Variants in NPAS3 observed in about 807,000 individuals in gnomAD.
The protein encoded by NPAS3 is neuronal PAS domain-containing protein 3.
NPAS3 carries 14 observed loss-of-function variants against 73.1 expected under a neutral mutation model. The observed-to-expected ratio is 0.19, with a 90% CI of 0.13 to 0.30. The LOEUF (loss-of-function observed/expected upper bound fraction) is 0.30. NPAS3 is among the 10% of genes least tolerant of loss of function. NPAS3 has a pLI of 1.00. For synonymous variants in NPAS3, 620 were observed against 541.5 expected (o/e 1.14, Z -2.01); for missense variants, 1,096 against 1,250.0 (o/e 0.88, Z 1.86).
chr14:33,513,907 T>C (rs560759031), intron 4 of NPAS3, among the ~76,000 whole-genome samples: 1 of 152,122 alleles, frequency 6.6e-6, no homozygotes, highest in Non-Finnish European at 1.5e-5. Flanking sequence ...GTGAGGTGGT[T>C]AGAAGAAGTT....
chr14:33,178,969 C>G (rs778972953), intron 2 of NPAS3, among the ~76,000 whole-genome samples: 1 of 151,978 alleles, frequency 6.6e-6, no homozygotes, highest in Non-Finnish European at 1.5e-5. Flanking sequence ...TGTCTTTTTT[C>G]GTGTTGTAGA....
At chr14:33,662,184 A>T (rs2059327365) in intron 5 of NPAS3, among the ~76,000 whole-genome samples, 1 of 152,252 alleles carries the variant, frequency 6.6e-6, no homozygotes, top group South Asian at 2.1e-4. Flanking sequence ...TCTAGACGGC[A>T]TGGAAATGCG....
chr14:33,540,569 T>C (rs2054465469), intron 4 of NPAS3, among the ~76,000 whole-genome samples: 1 of 152,220 alleles, frequency 6.6e-6, no homozygotes, highest in Non-Finnish European at 1.5e-5. Context: ...CATACTTTTG[T>C]TGATGAGCAA....
At chr14:33,563,255 A>G (rs569741908) in intron 5 of NPAS3, among the ~76,000 whole-genome samples, 1 of 152,226 alleles carries the variant, frequency 6.6e-6, no homozygotes, top group South Asian at 2.1e-4. Flanking sequence ...GGATAGAATT[A>G]GGATTCTTTT....
chr14:33,341,004 T>A (rs1459046038), intron 3 of NPAS3, among the ~76,000 whole-genome samples: 1 of 152,222 alleles, frequency 6.6e-6, no homozygotes, highest in African/African-American at 2.4e-5. Flanking sequence ...ATTTCTTGGT[T>A]GCTTTGATCT....
rs556190015 is a variant in NPAS3, at chr14:33,156,209, TAGC to T, written c.141-58970_141-58968del. ...CTCAAATGAATACTCCTTTATTTCA[TAGC>T]AGGGATTGGCATTTGTGCAATATTC... On this transcript the variant is annotated intron_variant, in intron 2 of 11. Coordinates refer to ENST00000356141, the Ensembl canonical transcript of NPAS3. 1.9e-3 allele frequency among the ~76,000 whole-genome samples: 283 copies of T among 152,344 alleles called. 1 individual carries two copies. Among genetic ancestry groups the T allele is most frequent in the Non-Finnish European group, 3.2e-3 (219 of 68,026 alleles).
intron 3 of NPAS3, among the ~76,000 whole-genome samples, chr14:33,260,528 C>G (rs1455188592): frequency 6.6e-6 from 1 of 152,178 alleles, no homozygotes; most frequent in East Asian, 1.9e-4. Context: ...ATTGCCTCTT[C>G]AGTTTTCTGC....
chr14:32,967,852 T>G (rs191691155), intron 1 of NPAS3, among the ~76,000 whole-genome samples: 1 of 152,018 alleles, frequency 6.6e-6, no homozygotes, highest in Admixed American at 6.5e-5. Flanking sequence ...CAAAAGTAAA[T>G]GAAATTAATA....
At chr14:33,411,423 T>G (rs1183504791) in intron 4 of NPAS3, among the ~76,000 whole-genome samples, 1 of 152,174 alleles carries the variant, frequency 6.6e-6, no homozygotes, top group African/African-American at 2.4e-5. Flanking sequence ...CCTCAGGTGA[T>G]CCACCTGCCT....
chr14:33,571,388 TG>T (rs1272405847), intron 5 of NPAS3, among the ~76,000 whole-genome samples: 1 of 152,186 alleles, frequency 6.6e-6, no homozygotes, highest in African/African-American at 2.4e-5. Flanking sequence ...GAGGGGAGCC[TG>T]GCGAAGTAGG....
chr14:33,645,366 A>G (rs954392915), intron 5 of NPAS3, among the ~76,000 whole-genome samples: 23 of 152,202 alleles, frequency 1.5e-4, no homozygotes, highest in Admixed American at 1.3e-3. Flanking sequence ...TGAGTACATT[A>G]AAGTCCACAG....
intron 3 of NPAS3, among the ~76,000 whole-genome samples, chr14:33,222,643 GC>G (rs1566694101): frequency 1.3e-5 from 2 of 152,278 alleles, no homozygotes; most frequent in East Asian, 3.9e-4. Flanking sequence ...TGAGGCAATA[GC>G]CTGGGTCATC....
intron 5 of NPAS3, among the ~76,000 whole-genome samples, chr14:33,658,689 G>A (rs1310556118): frequency 1.3e-5 from 2 of 152,296 alleles, no homozygotes; most frequent in African/African-American, 4.8e-5. Context: ...TGCAATGTCA[G>A]GGGGAGGATG....
At chr14:33,385,361 C>A (rs2046733361) in intron 4 of NPAS3, among the ~76,000 whole-genome samples, 1 of 152,114 alleles carries the variant, frequency 6.6e-6, no homozygotes, top group African/African-American at 2.4e-5. Context: ...TGCTAATTTT[C>A]CCTGTTGGAA....
intron 2 of NPAS3, among the ~76,000 whole-genome samples, chr14:33,069,658 A>T (rs1055295923): frequency 5.9e-5 from 9 of 152,204 alleles, no homozygotes; most frequent in African/African-American, 2.2e-4. Flanking sequence ...AGGATTTTCC[A>T]TAGGGATTAA....
At chr14:33,623,919 A>C (rs2058151970) in intron 5 of NPAS3, among the ~76,000 whole-genome samples, 1 of 152,208 alleles carries the variant, frequency 6.6e-6, no homozygotes, top group Non-Finnish European at 1.5e-5. Flanking sequence ...AAATGCTAAA[A>C]GGACTCCTCA....
chr14:33,493,812 A>T (rs2052027264), intron 4 of NPAS3, among the ~76,000 whole-genome samples: 1 of 152,114 alleles, frequency 6.6e-6, no homozygotes, highest in Admixed American at 6.6e-5. Flanking sequence ...TTCATAAAGG[A>T]TGTTTTGTCA....
At chr14:33,786,242 CTA>C (rs1230628024) in intron 9 of NPAS3, among the ~76,000 whole-genome samples, 1 of 152,178 alleles carries the variant, frequency 6.6e-6, no homozygotes, top group Non-Finnish European at 1.5e-5. Context: ...ATGGAAGAAT[CTA>C]TGTTTTCACA....
chr14:33,536,534 T>A (rs575482557), intron 4 of NPAS3, among the ~76,000 whole-genome samples: 1 of 152,282 alleles, frequency 6.6e-6, no homozygotes, highest in Admixed American at 6.5e-5. Context: ...TTCCTCAACT[T>A]GATGCATGGG....
Sources: gnomAD v4.1 joint callset for allele counts (sites outside exome capture counted in the v4.1 genomes callset) on GRCh38, gnomAD v4.1.1 for gene constraint, MANE v1.5 for transcripts, NCBI Gene and HGNC (gene_info 2026-07-23, HGNC 2026-07-21) for gene names.